The following SNX7 variants were observed in gnomAD, a reference collection of about 807,000 sequenced individuals.
SNX7 encodes the protein sorting nexin-7.
Under a neutral mutation model 48.4 loss-of-function variants are expected in SNX7, and 35 were observed. The ratio of observed to expected loss-of-function variants is 0.72; its 90% CI spans 0.55 to 0.96. The LOEUF is 0.96. Among genes scored for constraint, SNX7 ranks in the 40% least tolerant of loss-of-function variants. The pLI, the probability that SNX7 is intolerant of heterozygous loss-of-function variation, is 0.00. For missense variants in SNX7, 553 were observed against 548.9 expected (o/e 1.01, Z -0.07); for synonymous variants, 190 against 190.2 (o/e 1.00, Z 0.01).
intron 1 of SNX7, among the ~76,000 whole-genome samples, chr1:98,669,618 G>A (rs1649741072): frequency 6.6e-6 from 1 of 152,180 alleles, no homozygotes; most frequent in Non-Finnish European, 1.5e-5. Context: ...ATTTAAACAG[G>A]ATTTGTGGTA....
intron 1 of SNX7, among the ~76,000 whole-genome samples, chr1:98,680,543 T>G (rs147259917): frequency 1.1e-3 from 161 of 152,348 alleles, no homozygotes; most frequent in African/African-American, 3.6e-3. Context: ...TGGACTTTTA[T>G]GCTCCGCTTC....
intron 8 of SNX7, among the ~76,000 whole-genome samples, chr1:98,753,146 A>G (rs1442312271): frequency 6.6e-5 from 10 of 152,094 alleles, no homozygotes; most frequent in African/African-American, 9.7e-5. Flanking sequence ...ACATAAAGCA[A>G]TCATTATAAT....
intron 7 of SNX7, among the ~76,000 whole-genome samples, chr1:98,725,348 G>C (rs907689401): frequency 6.6e-6 from 1 of 152,114 alleles, no homozygotes; most frequent in East Asian, 1.9e-4. Flanking sequence ...TGGTCTCATC[G>C]TGAGACTATA....
intron 7 of SNX7, among the ~76,000 whole-genome samples, chr1:98,710,357 CTG>C (rs1010436850): frequency 9.2e-5 from 14 of 152,112 alleles, no homozygotes; most frequent in African/African-American, 3.1e-4. Flanking sequence ...AAGACAAAGA[CTG>C]TGGAAAAAGA....
intron 1 of SNX7, among the ~76,000 whole-genome samples, chr1:98,681,355 G>A (rs1414120245): frequency 6.6e-6 from 1 of 152,162 alleles, no homozygotes; most frequent in African/African-American, 2.4e-5. Context: ...CCTTGTCACA[G>A]GTCAAGGCAG....
intron 1 of SNX7, among the ~76,000 whole-genome samples, chr1:98,664,824 A>T (rs1347380347): frequency 5.9e-5 from 9 of 152,156 alleles, no homozygotes; most frequent in Non-Finnish European, 7.3e-5. Context: ...AAGAACGGGG[A>T]TAGATGTTAG....
chr1:98,709,291 A>C (rs1474849972), intron 7 of SNX7, among the ~76,000 whole-genome samples: 1 of 152,214 alleles, frequency 6.6e-6, no homozygotes, highest in East Asian at 1.9e-4. Context: ...TGTTAACTGC[A>C]GTCCTGCTTC....
At chr1:98,694,461 A>G (rs1438675825) in intron 4 of SNX7, among the ~76,000 whole-genome samples, 3 of 151,644 alleles carry the variant, frequency 2.0e-5, no homozygotes, top group African/African-American at 4.8e-5. Context: ...CTGAAGTGCT[A>G]TGTTCAGGTA....
At chr1:98,750,120 GTATCAT>G in intron 8 of SNX7, among the ~76,000 whole-genome samples, 1 of 151,762 alleles carries the variant, frequency 6.6e-6, no homozygotes, top group Admixed American at 6.6e-5. Flanking sequence ...ATAATAATAA[GTATCAT>G]TATTATTATT....
chr1:98,721,329 T>C (rs1652861181), intron 7 of SNX7, among the ~76,000 whole-genome samples: 2 of 152,142 alleles, frequency 1.3e-5, no homozygotes, highest in South Asian at 4.1e-4. Context: ...CATGTTTTAC[T>C]TGTGTTATAA....
rs1216786447 is a variant in SNX7, at chr1:98,733,286, C to T, written c.1126-4951C>T. Among the ~76,000 whole-genome samples, 3 of 152,110 alleles carry T rather than the reference C, an allele frequency of 2.0e-5. No individual in the cohort carries two copies. The East Asian group carries it at 5.8e-4, about 29-fold the overall frequency. ...GCAATGCAGACTTTTCTCTCAGTGCCCACCATCTAGATCAGGGCTAGACCC... is the reference window on the plus strand; with the variant it reads ...GCAATGCAGACTTTTCTCTCAGTGCTCACCATCTAGATCAGGGCTAGACCC... On this transcript the variant is annotated intron_variant, in intron 7 of 8. Coordinates refer to ENST00000306121, the MANE Select transcript of SNX7 (RefSeq NM_015976.5).
chr1:98,730,966 G>A (rs1038260982), intron 7 of SNX7, among the ~76,000 whole-genome samples: 1 of 152,100 alleles, frequency 6.6e-6, no homozygotes, highest in African/African-American at 2.4e-5. Context: ...AGAACACGTG[G>A]ACACAGGGCG....
At chr1:98,746,567 C>T (rs1654318408) in intron 8 of SNX7, among the ~76,000 whole-genome samples, 1 of 152,040 alleles carries the variant, frequency 6.6e-6, no homozygotes, top group Non-Finnish European at 1.5e-5. Flanking sequence ...ACAGGGAAAA[C>T]ACATGATAGA....
At chr1:98,701,324 AC>A (rs1298521576) in intron 6 of SNX7, among the ~76,000 whole-genome samples, 1 of 152,166 alleles carries the variant, frequency 6.6e-6, no homozygotes, top group Non-Finnish European at 1.5e-5. Flanking sequence ...ATGAATGCAT[AC>A]TTCAATTTTC....
chr1:98,695,835 C>T lies in SNX7; in HGVS notation c.838+119C>T, dbSNP rs1015187704. ...TGTCAGCTTCAAAGTGTGGCTTATT[C>T]CTAGCCATCTTATGGACATTTCTGA... On this transcript the variant is annotated intron_variant, in intron 5 of 8. Coordinates refer to ENST00000306121, the MANE Select transcript of SNX7 (RefSeq NM_015976.5). 1.3e-5 allele frequency: 10 copies of T among 749,106 alleles called. No homozygotes were observed. The African/African-American group carries it at 1.6e-4, about 12-fold the overall frequency. 46.4% of individuals were successfully genotyped at this position (749,106 alleles called of 1,614,324 possible).
At chr1:98,716,730 A>G (rs569617263) in intron 7 of SNX7, among the ~76,000 whole-genome samples, 5 of 152,192 alleles carry the variant, frequency 3.3e-5, no homozygotes, top group African/African-American at 4.8e-5. Flanking sequence ...TTTTTTCCCA[A>G]TGGGTGGGTC....
At chr1:98,735,410 CAAAG>C (rs766824730) in intron 7 of SNX7, among the ~76,000 whole-genome samples, 8 of 151,850 alleles carry the variant, frequency 5.3e-5, no homozygotes, top group Non-Finnish European at 1.2e-4. Flanking sequence ...AATAACTCGT[CAAAG>C]AAAGAAGAAA....
chr1:98,726,694 G>A (rs1252047933), intron 7 of SNX7, among the ~76,000 whole-genome samples: 1 of 152,064 alleles, frequency 6.6e-6, no homozygotes, highest in South Asian at 2.1e-4. Context: ...GATTTCTTAA[G>A]ATTTAGTTTG....
intron 7 of SNX7, among the ~76,000 whole-genome samples, chr1:98,703,154 G>A (rs537591687): frequency 4.7e-4 from 72 of 152,060 alleles, no homozygotes; most frequent in Admixed American, 8.5e-4. Flanking sequence ...GCACTGCCTG[G>A]CACATGGTAG....
Sources: gnomAD v4.1 joint callset for allele counts (sites outside exome capture counted in the v4.1 genomes callset) on GRCh38, gnomAD v4.1.1 for gene constraint, MANE v1.5 for transcripts, NCBI Gene and HGNC (gene_info 2026-07-23, HGNC 2026-07-21) for gene names.